Variants in ZCCHC14 observed in about 807,000 individuals in gnomAD.
ZCCHC14 encodes the protein zinc finger CCHC domain-containing protein 14.
A neutral mutation model predicts 85.0 loss-of-function variants in ZCCHC14; 16 were observed. That is an observed-to-expected ratio of 0.19 (90% CI 0.13 to 0.29). The LOEUF (loss-of-function observed/expected upper bound fraction) is 0.29, where lower values mean the gene tolerates loss of function less well. ZCCHC14 is among the 10% of genes least tolerant of loss of function. ZCCHC14 has a pLI of 1.00. For missense variants in ZCCHC14, 1,303 were observed against 1,443.5 expected, an observed-to-expected ratio of 0.90 and a Z score of 1.58; for synonymous variants, 775 against 630.7, an observed-to-expected ratio of 1.23 and a Z score of -3.43.
intron 1 of ZCCHC14, among the ~76,000 whole-genome samples, chr16:87,464,662 C>T (rs933436219): frequency 6.6e-6 from 1 of 152,184 alleles, no homozygotes; most frequent in African/African-American, 2.4e-5. Flanking sequence ...ACCTGTTTTC[C>T]TCCGTATATT....
intron 1 of ZCCHC14, among the ~76,000 whole-genome samples, chr16:87,484,967 G>C (rs760650635): frequency 7.0e-4 from 106 of 152,312 alleles, no homozygotes; most frequent in Middle Eastern, 3.4e-3. Context: ...CCGGCGGTGA[G>C]GGACCAGCCT....
chr16:87,492,988 C>G lies in ZCCHC14; in HGVS notation c.-750G>C, dbSNP rs1376141285. On this transcript the variant is annotated 5_prime_UTR_variant, in exon 1 of 13. Coordinates refer to ENST00000671377, the MANE Select transcript of ZCCHC14 (RefSeq NM_015144.3). The surrounding 1 kb of genome is among the most constrained non-coding windows in gnomAD (Gnocchi z 6.7). ...CGGCCGAGGAGCGGAGGGATCGTCGCGCTCGCGGCTGACGGGCGGCCGGGA... is the reference window on the plus strand; with the variant it reads ...CGGCCGAGGAGCGGAGGGATCGTCGGGCTCGCGGCTGACGGGCGGCCGGGA... Among the ~76,000 whole-genome samples, 1 of 151,676 alleles carries G rather than the reference C, an allele frequency of 6.6e-6. No homozygotes were observed. Among genetic ancestry groups the G allele is most frequent in the East Asian group, 1.9e-4 (1 of 5,136 alleles).
chr16:87,492,298 G>C lies in ZCCHC14; in HGVS notation c.-60C>G. On this transcript the variant is annotated 5_prime_UTR_variant, in exon 1 of 13. Coordinates refer to ENST00000671377, the MANE Select transcript of ZCCHC14 (RefSeq NM_015144.3). This position sits in a 1 kb window ranked among gnomAD's most constrained non-coding sequence, Gnocchi z 6.7. ...GGGACCGCGCGGGGGCGGCCGGGGG[G>C]CGCCGGGGGCCGCGGCCGGGGCGCG... 1.1e-6 allele frequency: 1 copy of C among 926,436 alleles called. No homozygotes were observed. The highest frequency in any genetic ancestry group is 1.3e-6 in the Non-Finnish European group (1 of 780,128). 57.4% of individuals were successfully genotyped at this position (926,436 alleles called of 1,614,324 possible).
intron 12 of ZCCHC14, among the ~76,000 whole-genome samples, chr16:87,410,925 T>G (rs185628477): frequency 5.3e-4 from 80 of 152,220 alleles, no homozygotes; most frequent in African/African-American, 1.9e-3. Context: ...GTTGTCAGAG[T>G]TGGGACCCAC....
At chr16:87,415,868 G>C (rs1168715266) in intron 8 of ZCCHC14, among the ~76,000 whole-genome samples, 2 of 152,110 alleles carry the variant, frequency 1.3e-5, no homozygotes, top group African/African-American at 2.4e-5. Flanking sequence ...CTGCGGGATG[G>C]TCGTCTTTTT....
intron 4 of ZCCHC14, among the ~76,000 whole-genome samples, chr16:87,423,540 C>G (rs950840002): frequency 2.6e-5 from 4 of 152,212 alleles, no homozygotes; most frequent in Non-Finnish European, 5.9e-5. Flanking sequence ...ACCAAATGTC[C>G]TCATCAGTCG....
chr16:87,437,158 G>A (rs1909964540), intron 2 of ZCCHC14, among the ~76,000 whole-genome samples: 1 of 151,984 alleles, frequency 6.6e-6, no homozygotes, highest in Admixed American at 6.6e-5. Context: ...CCAACATGGA[G>A]AAACTCCGTC....
intron 2 of ZCCHC14, among the ~76,000 whole-genome samples, chr16:87,434,081 G>C (rs1484604103): frequency 6.6e-6 from 1 of 152,210 alleles, no homozygotes; most frequent in African/African-American, 2.4e-5. Flanking sequence ...AGCTGCACGG[G>C]ATGGACAGCC....
intron 1 of ZCCHC14, among the ~76,000 whole-genome samples, chr16:87,469,327 A>G (rs1442691093): frequency 6.6e-6 from 1 of 152,252 alleles, no homozygotes; most frequent in Non-Finnish European, 1.5e-5. Flanking sequence ...CATGTTAAAA[A>G]CAAGAAAAAC....
At position 87,411,966 on chromosome 16, in the gene ZCCHC14, G is replaced by A; in HGVS notation, c.2755C>T (p.Pro919Ser). ...GACGTGCACACAATGCAGCCTGGCG[G>A]GGGTGGGGCGGGCTGCGGGGGTGCC... ...PPAPPQPAPP[P>S]PGCIVCTSCG... Residue 919 changes from proline to serine, a missense_variant, in exon 12 of 13, where the codon CCG (proline) becomes TCG (serine). Pro to Ser is a moderately conservative substitution (Grantham distance 74, BLOSUM62 -1). This residue lies in a region of ZCCHC14 where 797 missense variants were observed against 730.8 expected (regional missense o/e 1.09). Coordinates refer to ENST00000671377, the MANE Select transcript of ZCCHC14 (RefSeq NM_015144.3). 6.2e-7 allele frequency: 1 copy of A among 1,602,686 alleles called. No homozygotes were observed. The highest frequency in any genetic ancestry group is 8.5e-7 in the Non-Finnish European group (1 of 1,175,702).
chr16:87,469,385 G>C (rs1463880987), intron 1 of ZCCHC14, among the ~76,000 whole-genome samples: 1 of 152,214 alleles, frequency 6.6e-6, no homozygotes, highest in Non-Finnish European at 1.5e-5. Flanking sequence ...TGGCCAGTAG[G>C]GAGCAGAATC....
chr16:87,413,229 T>C (rs1478966551), intron 10 of ZCCHC14, 34 bp from the exon 11 acceptor site: 2 of 1,491,994 alleles, frequency 1.3e-6, no homozygotes, highest in South Asian at 1.3e-5. Context: ...AGCCATCAAC[T>C]AGCGCCCCTG....
intron 3 of ZCCHC14, 119 bp from the exon 4 acceptor site, chr16:87,424,000 C>T (rs1482901723): frequency 2.9e-6 from 3 of 1,024,992 alleles, no homozygotes; most frequent in Non-Finnish European, 2.9e-6. Flanking sequence ...GTGGGCCGTG[C>T]ACCTGCTGTG....
At chr16:87,428,111 G>A (rs1428941632) in intron 3 of ZCCHC14, among the ~76,000 whole-genome samples, 2 of 152,016 alleles carry the variant, frequency 1.3e-5, no homozygotes, top group African/African-American at 4.8e-5. Context: ...CAGCAACGAG[G>A]AACTAGCGAT....
Position 87,479,646 on chromosome 16 carries a change from G to A in ZCCHC14, c.570+12023C>T, listed in dbSNP as rs1170989087. On this transcript the variant is annotated intron_variant, in intron 1 of 12. Coordinates refer to ENST00000671377, the MANE Select transcript of ZCCHC14 (RefSeq NM_015144.3). ...TTATGTAGCAAACTAAAACATCGAG[G>A]CTTACCATGATTTAAAGTTTTAAAA... Among the ~76,000 whole-genome samples, 6 of 152,136 alleles carry A rather than the reference G, an allele frequency of 3.9e-5. 1 individual carries two copies. The highest frequency in any genetic ancestry group is 1.4e-4 in the African/African-American group (6 of 41,436).
At chr16:87,482,240 C>T (rs1912313744) in intron 1 of ZCCHC14, among the ~76,000 whole-genome samples, 2 of 152,154 alleles carry the variant, frequency 1.3e-5, no homozygotes, top group Non-Finnish European at 2.9e-5. Context: ...CTGGTTGAGC[C>T]TTTAGGTTTT....
At chr16:87,416,216 G>A (rs1908775990) in intron 8 of ZCCHC14, among the ~76,000 whole-genome samples, 1 of 151,158 alleles carries the variant, frequency 6.6e-6, no homozygotes, top group Admixed American at 6.6e-5. Context: ...GTGAGCCACC[G>A]CACCTGGCCA....
At position 87,412,057 on chromosome 16, in the gene ZCCHC14, G is replaced by T. The variant is rs760937814; in HGVS notation, c.2664C>A (p.Gly888=). 2 of 1,610,086 alleles carry T rather than the reference G, an allele frequency of 1.2e-6. No individual in the cohort carries two copies. The highest frequency in any genetic ancestry group is 1.7e-6 in the Non-Finnish European group (2 of 1,179,952). ...SSFYSSSGGG[G]STGNIPASNP... ...TCGAGGCAGGAATGTTTCCTGTGGA[G>T]CCGCCACCGCCACTGCTGCTATAGA... Residue 888 remains glycine, a synonymous_variant, in exon 12 of 13, where the codon GGC becomes GGA. Transcript: ENST00000671377.
At chr16:87,465,665 C>T (rs377456979) in intron 1 of ZCCHC14, among the ~76,000 whole-genome samples, 3 of 152,164 alleles carry the variant, frequency 2.0e-5, no homozygotes, top group East Asian at 1.9e-4. Flanking sequence ...AAAATGCCTC[C>T]GGATCTGGCT....
Sources: gnomAD v4.1 joint callset for allele counts (sites outside exome capture counted in the v4.1 genomes callset) on GRCh38, gnomAD v4.1.1 for gene constraint, gnomAD v4.1.1 regional missense constraint, Gnocchi (gnomAD v3.1) non-coding constraint, MANE v1.5 for transcripts, NCBI Gene and HGNC (gene_info 2026-07-23, HGNC 2026-07-21) for gene names.